Variants in TTBK2 observed in about 807,000 individuals in gnomAD.
TTBK2 encodes the protein tau-tubulin kinase 2.
Under a neutral mutation model 110.8 loss-of-function variants are expected in TTBK2, and 28 were observed. The observed-to-expected ratio is 0.25, with a 90% CI of 0.19 to 0.35. The LOEUF (loss-of-function observed/expected upper bound fraction) is 0.35, where lower values mean the gene tolerates loss of function less well. Ranked by LOEUF, TTBK2 falls within the 10% of genes least tolerant of loss-of-function variation. The pLI is 1.00. For synonymous variants in TTBK2, 532 were observed against 527.3 expected, an observed-to-expected ratio of 1.01 and a Z score of -0.12; for missense variants, 1,369 against 1,500.3, an observed-to-expected ratio of 0.91 and a Z score of 1.45.
rs765125156 is a variant in TTBK2, at chr15:42,749,214, GA to G, written c.3272+2759del. Among the ~76,000 whole-genome samples, 46 of 152,352 alleles carry G rather than the reference GA, an allele frequency of 3.0e-4. No individual in the cohort carries two copies. The Middle Eastern group carries it at 0.01, about 34-fold the overall frequency. On this transcript the variant is annotated intron_variant, in intron 14 of 14. Transcript: ENST00000267890. ...GAGGAAATGGAGGTTCTTACTGCTA[GA>G]AAGTGGGAGAGCCAAAAATTAACCT...
intron 11 of TTBK2, among the ~76,000 whole-genome samples, chr15:42,778,874 C>A (rs1376680939): frequency 1.3e-5 from 2 of 151,686 alleles, no homozygotes; most frequent in Non-Finnish European, 2.9e-5. Context: ...TATTTTTATA[C>A]AAAAATATGA....
intron 13 of TTBK2, among the ~76,000 whole-genome samples, chr15:42,767,395 G>T (rs1332080304): frequency 6.6e-6 from 1 of 151,826 alleles, no homozygotes; most frequent in Non-Finnish European, 1.5e-5. Context: ...AAAGAGAGAA[G>T]AATCAAATAG....
intron 13 of TTBK2, among the ~76,000 whole-genome samples, chr15:42,768,951 A>C (rs932196046): frequency 6.6e-6 from 1 of 152,196 alleles, no homozygotes; most frequent in Non-Finnish European, 1.5e-5. Flanking sequence ...CTCAGAAATA[A>C]CACCACACAT....
At chr15:42,855,757 T>C (rs991185391) in intron 3 of TTBK2, among the ~76,000 whole-genome samples, 2 of 152,200 alleles carry the variant, frequency 1.3e-5, no homozygotes, top group African/African-American at 2.4e-5. Context: ...CGATTTCGGC[T>C]CACCGCAGGC....
chr15:42,848,678 C>T (rs565034306), intron 3 of TTBK2, among the ~76,000 whole-genome samples: 12 of 152,080 alleles, frequency 7.9e-5, no homozygotes, highest in East Asian at 7.7e-4. Flanking sequence ...TTAGTAGAGA[C>T]GGGGTTTCTC....
Position 42,745,784 on chromosome 15 carries a change from C to T in TTBK2, c.*11G>A. ...AGATCTCACACCTTTCAAAGAGATG[C>T]AGCCTGGCTCCTATCTGCTGAGTTT... On this transcript the variant is annotated 3_prime_UTR_variant, in exon 15 of 15. Coordinates refer to ENST00000267890, the MANE Select transcript of TTBK2 (RefSeq NM_173500.4). 1 of 1,613,770 alleles carries T rather than the reference C, an allele frequency of 6.2e-7. No individual in the cohort carries two copies. The highest frequency in any genetic ancestry group is 8.5e-7 in the Non-Finnish European group (1 of 1,179,992).
At chr15:42,890,235 A>C (rs1420269830) in intron 1 of TTBK2, among the ~76,000 whole-genome samples, 1 of 152,184 alleles carries the variant, frequency 6.6e-6, no homozygotes, top group Non-Finnish European at 1.5e-5. Context: ...AACTAATGAT[A>C]ATCCCACAAC....
intron 3 of TTBK2, among the ~76,000 whole-genome samples, chr15:42,866,579 C>G (rs1894380973): frequency 6.6e-6 from 1 of 152,154 alleles, no homozygotes; most frequent in Admixed American, 6.5e-5. Context: ...TAACTGACAT[C>G]TATAGACTAC....
chr15:42,776,596 T>C (rs950461714), intron 12 of TTBK2, among the ~76,000 whole-genome samples: 2 of 152,382 alleles, frequency 1.3e-5, no homozygotes, highest in African/African-American at 2.4e-5. Context: ...CTAAAGTGAA[T>C]TGAACTCACC....
chr15:42,870,459 A>T (rs1894570702), intron 3 of TTBK2, among the ~76,000 whole-genome samples: 1 of 152,016 alleles, frequency 6.6e-6, no homozygotes, highest in Non-Finnish European at 1.5e-5. Flanking sequence ...GAACTGAGGG[A>T]ATGTGAGAAC....
intron 13 of TTBK2, among the ~76,000 whole-genome samples, chr15:42,769,246 C>A (rs1280328550): frequency 1.3e-5 from 2 of 152,082 alleles, no homozygotes; most frequent in South Asian, 2.1e-4. Context: ...GCAACAAAAG[C>A]CAAAATTGAC....
intron 9 of TTBK2, chr15:42,801,334 G>T: frequency 6.3e-7 from 1 of 1,587,028 alleles, no homozygotes. Context: ...CTGGCTAGCT[G>T]CAGGGCGGCC....
chr15:42,833,868 C>T (rs977166325), intron 4 of TTBK2, among the ~76,000 whole-genome samples: 18 of 151,924 alleles, frequency 1.2e-4, no homozygotes, highest in Admixed American at 1.3e-4. Context: ...ATTAGCTGGG[C>T]GTGTTGGCAG....
intron 14 of TTBK2, among the ~76,000 whole-genome samples, chr15:42,747,612 C>T (rs569811151): frequency 1.3e-5 from 2 of 152,342 alleles, no homozygotes; most frequent in Admixed American, 6.5e-5. Flanking sequence ...TCTGATGCCA[C>T]TGCTGATCTG....
intron 3 of TTBK2, among the ~76,000 whole-genome samples, chr15:42,842,818 TAAGCTAGCAAGA>T (rs1893279627): frequency 6.6e-6 from 1 of 152,024 alleles, no homozygotes. Context: ...AAAGGGGGTA[TAAGCTAGCAAGA>T]ATGGGTGCAA....
chr15:42,785,744 T>G (rs543693639), intron 10 of TTBK2, among the ~76,000 whole-genome samples: 90 of 152,012 alleles, frequency 5.9e-4, no homozygotes, highest in African/African-American at 2.1e-3. Flanking sequence ...TCTAGGGTTT[T>G]TTTTTTTTTT....
intron 13 of TTBK2, among the ~76,000 whole-genome samples, chr15:42,766,464 A>AAAAAAAAAAAAAAAAAAAAAAC (rs1889382506): frequency 6.8e-6 from 1 of 147,698 alleles, no homozygotes; most frequent in Non-Finnish European, 1.5e-5. Flanking sequence ...AAAAAAAAAA[A>AAAAAAAAAAAAAAAAAAAAAAC]AAAGCAAGGG....
At chr15:42,770,213 C>T (rs559559418) in intron 13 of TTBK2, among the ~76,000 whole-genome samples, 6 of 152,120 alleles carry the variant, frequency 3.9e-5, no homozygotes, top group Admixed American at 1.3e-4. Context: ...ACCTGCACGT[C>T]ATGCACACGT....
At chr15:42,858,840 T>C (rs1027127810) in intron 3 of TTBK2, among the ~76,000 whole-genome samples, 10 of 152,206 alleles carry the variant, frequency 6.6e-5, no homozygotes, top group Non-Finnish European at 1.3e-4. Flanking sequence ...TAGTCATAGG[T>C]ATGTTCCCTG....
Sources: gnomAD v4.1 joint callset for allele counts (sites outside exome capture counted in the v4.1 genomes callset) on GRCh38, gnomAD v4.1.1 for gene constraint, MANE v1.5 for transcripts, NCBI Gene and HGNC (gene_info 2026-07-23, HGNC 2026-07-21) for gene names.